The following EYS variants were observed in gnomAD, a reference collection of about 807,000 sequenced individuals.
The protein encoded by EYS is protein eyes shut homolog.
EYS carries 250 observed loss-of-function variants against 282.1 expected under a neutral mutation model. That is an observed-to-expected ratio of 0.89 (90% confidence interval 0.80 to 0.98). EYS has a LOEUF of 0.98. Among genes scored for constraint, EYS ranks in the 50% least tolerant of loss-of-function variants. EYS has a pLI of 0.00. For missense variants in EYS, 4,016 were observed against 3,709.0 expected, an observed-to-expected ratio of 1.08 and a Z score of -2.15; for synonymous variants, 1,355 against 1,282.9, an observed-to-expected ratio of 1.06 and a Z score of -1.20.
At chr6:63,785,610 G>A (rs1770340736) in intron 39 of EYS, among the ~76,000 whole-genome samples, 1 of 149,102 alleles carries the variant, frequency 6.7e-6, no homozygotes, top group Non-Finnish European at 1.5e-5. Flanking sequence ...AAAAAATAAT[G>A]GTTCATTATA....
chr6:65,633,687 A>T (rs1167456965), intron 2 of EYS, among the ~76,000 whole-genome samples: 1 of 152,232 alleles, frequency 6.6e-6, no homozygotes, highest in African/African-American at 2.4e-5. Flanking sequence ...ATTATGAAAT[A>T]CCTACCCTCA....
chr6:64,686,728 C>A (rs1770119579), intron 22 of EYS, among the ~76,000 whole-genome samples: 1 of 118,070 alleles, frequency 8.5e-6, no homozygotes, highest in Non-Finnish European at 1.8e-5. Flanking sequence ...GGCGACAGAG[C>A]AAGATTCCAT....
chr6:63,755,570 T>C (rs555581699), intron 41 of EYS, among the ~76,000 whole-genome samples: 1 of 152,348 alleles, frequency 6.6e-6, no homozygotes, highest in East Asian at 1.9e-4. Context: ...GTGTGATGCC[T>C]CCAGCTTTGT....
chr6:64,613,266 G>A (rs1767167841), intron 24 of EYS, among the ~76,000 whole-genome samples: 1 of 152,068 alleles, frequency 6.6e-6, no homozygotes, highest in African/African-American at 2.4e-5. Flanking sequence ...TTCAAGTTGA[G>A]ATACCTGAGA....
At position 65,251,722 on chromosome 6, in the gene EYS, T is replaced by A. The variant is rs559261010; in HGVS notation, c.2023+44141A>T. On this transcript the variant is annotated intron_variant, in intron 12 of 42. Coordinates refer to ENST00000503581, the MANE Select transcript of EYS (RefSeq NM_001142800.2). ...ACCATTTTTTCCCCTCAAATATCCATAGTCTGAACGCAACGCTTCAGAACT... is the reference window on the plus strand; with the variant it reads ...ACCATTTTTTCCCCTCAAATATCCAAAGTCTGAACGCAACGCTTCAGAACT... 2.0e-5 allele frequency among the ~76,000 whole-genome samples: 3 copies of A among 151,962 alleles called. No homozygotes were observed. The East Asian group carries it at 5.8e-4, about 30-fold the overall frequency.
intron 26 of EYS, among the ~76,000 whole-genome samples, chr6:64,538,552 A>G (rs940220896): frequency 6.6e-6 from 1 of 152,136 alleles, no homozygotes; most frequent in Non-Finnish European, 1.5e-5. Context: ...TCCTTCTATT[A>G]GGTCAAGATT....
intron 31 of EYS, among the ~76,000 whole-genome samples, chr6:64,157,987 C>T (rs1039816669): frequency 5.3e-5 from 8 of 152,150 alleles, no homozygotes; most frequent in African/African-American, 7.2e-5. Flanking sequence ...CTGGAAAAGC[C>T]GCAGACACTC....
At chr6:65,309,827 C>G (rs532526048) in intron 11 of EYS, among the ~76,000 whole-genome samples, 303 of 152,362 alleles carry the variant, frequency 2.0e-3, no homozygotes, top group Non-Finnish European at 3.5e-3. Flanking sequence ...ATCCTACTTT[C>G]AAACAGACGT....
rs116146466 is a variant in EYS at position 64,308,934 on chromosome 6, G to T, written c.6079-1852C>A. Among the ~76,000 whole-genome samples the T allele has an allele frequency of 8.7e-3, 1,318 of 152,104 alleles. 27 individuals carry two copies. The highest frequency in any genetic ancestry group is 0.029 in the African/African-American group (1,208 of 41,524). ...GTTGGGAAAGTACTGATTTGTCATT[G>T]TTAAAGTTTCTCTAGCTTTATTAAT... On this transcript the variant is annotated intron_variant, in intron 29 of 42. Coordinates refer to ENST00000503581, the MANE Select transcript of EYS (RefSeq NM_001142800.2).
intron 27 of EYS, among the ~76,000 whole-genome samples, chr6:64,436,902 A>G (rs151104799): frequency 5.9e-4 from 89 of 151,832 alleles, no homozygotes; most frequent in African/African-American, 1.9e-3. Flanking sequence ...TATGGATTAT[A>G]TTGTGTCTAT....
intron 4 of EYS, among the ~76,000 whole-genome samples, chr6:65,491,921 A>G (rs182977887): frequency 1.5e-3 from 230 of 152,304 alleles, no homozygotes; most frequent in Middle Eastern, 3.4e-3. Flanking sequence ...ACACAGATAC[A>G]TACAGAGAAA....
At chr6:65,433,540 TCATTATA>T (rs1767959083) in intron 5 of EYS, among the ~76,000 whole-genome samples, 1 of 152,168 alleles carries the variant, frequency 6.6e-6, no homozygotes, top group East Asian at 1.9e-4. Flanking sequence ...ATGTCTAAAC[TCATTATA>T]TGAGAGATGA....
intron 35 of EYS, among the ~76,000 whole-genome samples, chr6:63,955,939 A>G (rs996022413): frequency 6.6e-6 from 1 of 152,148 alleles, no homozygotes; most frequent in Non-Finnish European, 1.5e-5. Flanking sequence ...ATTCTATATG[A>G]CAAATGTTTC....
intron 33 of EYS, among the ~76,000 whole-genome samples, chr6:64,050,433 G>T (rs1770772146): frequency 1.3e-5 from 2 of 152,076 alleles, no homozygotes; most frequent in South Asian, 2.1e-4. Context: ...TAACTAGAGG[G>T]TCTTATAGTA....
At chr6:64,039,932 G>A (rs1770305346) in intron 33 of EYS, among the ~76,000 whole-genome samples, 1 of 152,004 alleles carries the variant, frequency 6.6e-6, no homozygotes, top group South Asian at 2.1e-4. Flanking sequence ...CTAAATCTTT[G>A]ATTTCCACAT....
chr6:64,279,364 G>A (rs924750909), intron 30 of EYS, among the ~76,000 whole-genome samples: 2 of 152,082 alleles, frequency 1.3e-5, no homozygotes, highest in African/African-American at 4.8e-5. Context: ...CAAAACAAAT[G>A]GATCTCCTTT....
At chr6:64,444,529 A>G (rs1775058666) in intron 26 of EYS, among the ~76,000 whole-genome samples, 1 of 152,202 alleles carries the variant, frequency 6.6e-6, no homozygotes, top group African/African-American at 2.4e-5. Flanking sequence ...CTTTTTCATT[A>G]TGTGACTAAT....
chr6:63,741,587 C>A (rs1475448805), intron 41 of EYS, among the ~76,000 whole-genome samples: 2 of 152,186 alleles, frequency 1.3e-5, no homozygotes, highest in African/African-American at 4.8e-5. Flanking sequence ...ATTGAAAGGG[C>A]TGAACTTGGT....
intron 35 of EYS, among the ~76,000 whole-genome samples, chr6:63,879,508 T>G (rs1237261018): frequency 6.6e-6 from 1 of 152,190 alleles, no homozygotes; most frequent in Non-Finnish European, 1.5e-5. Flanking sequence ...CTAAAAGCTT[T>G]TATCCATTGT....
Sources: allele counts gnomAD v4.1 joint callset (sites outside exome capture counted in the v4.1 genomes callset), GRCh38; gene constraint gnomAD v4.1.1; transcripts MANE v1.5; gene names NCBI Gene and HGNC (gene_info 2026-07-23, HGNC 2026-07-21).